The following CDYL2 variants were observed in gnomAD, a reference collection of about 807,000 sequenced individuals.
The protein encoded by CDYL2 is chromodomain Y-like protein 2.
A neutral mutation model predicts 49.4 loss-of-function variants in CDYL2; 23 were observed. The ratio of observed to expected loss-of-function variants is 0.47; its 90% CI spans 0.34 to 0.66. The LOEUF (loss-of-function observed/expected upper bound fraction) is 0.66. Among genes scored for constraint, CDYL2 ranks in the 30% least tolerant of loss-of-function variants. CDYL2 has a pLI of 0.01. For synonymous variants in CDYL2, 360 were observed against 268.8 expected (o/e 1.34, Z -3.32); for missense variants, 678 against 656.4 (o/e 1.03, Z -0.36).
chr16:80,639,002 T>A (rs1160100192), intron 2 of CDYL2, among the ~76,000 whole-genome samples: 1 of 152,074 alleles, frequency 6.6e-6, no homozygotes. Context: ...AGAACATAAT[T>A]TAAACAAAAT....
chr16:80,687,911 T>G (rs1253520304), intron 1 of CDYL2, among the ~76,000 whole-genome samples: 1 of 152,144 alleles, frequency 6.6e-6, no homozygotes, highest in Non-Finnish European at 1.5e-5. Flanking sequence ...CAAACCTTAG[T>G]GGTGTCTAAA....
rs558433733 is a variant in CDYL2 at position 80,657,718 on chromosome 16, G to C, written c.617-24482C>G. 2.6e-5 allele frequency among the ~76,000 whole-genome samples: 4 copies of C among 152,254 alleles called. No individual in the cohort carries two copies. In the East Asian group the frequency reaches 7.7e-4, roughly 29 times the overall value. The stretch of plus-strand genomic sequence containing the variant: ...GTGGGGGAGATACAGAAAGGTACAA[G>C]TGTGATGGGAAGAAATTTGGCAGTA... On this transcript the variant is annotated intron_variant, in intron 2 of 6. Coordinates refer to ENST00000570137, the MANE Select transcript of CDYL2 (RefSeq NM_152342.4).
chr16:80,634,493 T>C (rs1169307027), intron 2 of CDYL2, among the ~76,000 whole-genome samples: 2 of 152,094 alleles, frequency 1.3e-5, no homozygotes, highest in Non-Finnish European at 2.9e-5. Flanking sequence ...CCAGGGCCTG[T>C]CGTGGGGTGG....
At chr16:80,702,299 A>G (rs944632861) in intron 1 of CDYL2, among the ~76,000 whole-genome samples, 4 of 152,194 alleles carry the variant, frequency 2.6e-5, no homozygotes, top group Non-Finnish European at 2.9e-5. Context: ...CATGTTCAAA[A>G]TAATATTTTG....
At chr16:80,784,777 G>A (rs141959852) in intron 1 of CDYL2, among the ~76,000 whole-genome samples, 1 of 152,244 alleles carries the variant, frequency 6.6e-6, no homozygotes, top group East Asian at 1.9e-4. Flanking sequence ...ACAATTGACT[G>A]ATTACAATGA....
chr16:80,707,138 C>G (rs142306106), intron 1 of CDYL2, among the ~76,000 whole-genome samples: 6 of 152,244 alleles, frequency 3.9e-5, no homozygotes, highest in Non-Finnish European at 8.8e-5. Context: ...TATTGCATTT[C>G]ATGCTAAAAA....
chr16:80,638,475 A>C (rs1332140823), intron 2 of CDYL2, among the ~76,000 whole-genome samples: 1 of 152,200 alleles, frequency 6.6e-6, no homozygotes, highest in Non-Finnish European at 1.5e-5. Context: ...AGATATTGGC[A>C]AACTGATTCT....
chr16:80,654,084 C>T (rs1186767810), intron 2 of CDYL2, among the ~76,000 whole-genome samples: 1 of 152,220 alleles, frequency 6.6e-6, no homozygotes, highest in Non-Finnish European at 1.5e-5. Context: ...CAGGATGGAG[C>T]CACATCTCAC....
chr16:80,618,257 G>C (rs574828315), intron 4 of CDYL2, among the ~76,000 whole-genome samples: 1 of 149,332 alleles, frequency 6.7e-6, no homozygotes, highest in East Asian at 1.9e-4. Flanking sequence ...GGAAAGTCAG[G>C]AGCCAGTTTG....
chr16:80,804,506 G>C lies in CDYL2; in HGVS notation c.-333C>G, dbSNP rs983259098. ...CGCGGCCCCCGCGACCCGGCGACCC[G>C]GCGGCGGTGGCTGCAGCCGGCAACG... On this transcript the variant is annotated 5_prime_UTR_variant, in exon 1 of 7. Transcript: ENST00000570137. Among the ~76,000 whole-genome samples the C allele has an allele frequency of 1.0e-3, 150 of 144,466 alleles. No individual in the cohort carries two copies. The highest frequency in any genetic ancestry group is 3.4e-3 in the African/African-American group (137 of 40,444). 94.8% of individuals were successfully genotyped at this position (144,466 alleles called of 152,430 possible).
chr16:80,752,862 A>G (rs1031246584), intron 1 of CDYL2, among the ~76,000 whole-genome samples: 6 of 152,256 alleles, frequency 3.9e-5, no homozygotes, highest in Non-Finnish European at 8.8e-5. Flanking sequence ...AAGCTAGTGC[A>G]GCACACAAAT....
intron 1 of CDYL2, among the ~76,000 whole-genome samples, chr16:80,745,790 T>A (rs1905908131): frequency 6.6e-6 from 1 of 152,180 alleles, no homozygotes; most frequent in African/African-American, 2.4e-5. Flanking sequence ...AATTCAATCC[T>A]CCCTATGACC....
chr16:80,742,311 T>C (rs1905765278), intron 1 of CDYL2: 1 of 152,192 alleles, frequency 6.6e-6, no homozygotes, highest in East Asian at 1.9e-4. Flanking sequence ...GAATATTCAC[T>C]TGACAGAATT....
At position 80,784,643 on chromosome 16, in the gene CDYL2, A is replaced by G. The variant is rs570788005; in HGVS notation, c.24+19507T>C. ...AATGTCTGCATTTCTAGTAGCCCAG[A>G]GCTTTCTGGAATACTTGAAAGACCT... On this transcript the variant is annotated intron_variant, in intron 1 of 6. Transcript: ENST00000570137. Among the ~76,000 whole-genome samples, 7 of 152,328 alleles carry G rather than the reference A, an allele frequency of 4.6e-5. No individual in the cohort carries two copies. In the South Asian group the frequency reaches 1.0e-3, roughly 23 times the overall value.
chr16:80,709,598 C>A (rs1411482464), intron 1 of CDYL2, among the ~76,000 whole-genome samples: 3 of 128,582 alleles, frequency 2.3e-5, no homozygotes, highest in African/African-American at 9.0e-5. Context: ...ACACACACTT[C>A]CTCAAACACC....
At chr16:80,799,159 C>T (rs556721800) in intron 1 of CDYL2, among the ~76,000 whole-genome samples, 11 of 151,844 alleles carry the variant, frequency 7.2e-5, no homozygotes, top group Non-Finnish European at 1.3e-4. Flanking sequence ...TGTAACTACC[C>T]CCAAAAGCTA....
chr16:80,793,896 C>T (rs963478920), intron 1 of CDYL2, among the ~76,000 whole-genome samples: 3 of 152,068 alleles, frequency 2.0e-5, no homozygotes, highest in South Asian at 2.1e-4. Flanking sequence ...AGCTGCCTTC[C>T]CGTAACAGTC....
At chr16:80,747,995 C>T (rs1162306799) in intron 1 of CDYL2, among the ~76,000 whole-genome samples, 1 of 151,914 alleles carries the variant, frequency 6.6e-6, no homozygotes, top group African/African-American at 2.4e-5. Flanking sequence ...ACCATGAGCT[C>T]TTCAAAAGCA....
At chr16:80,606,704 C>A (rs927326352) in intron 6 of CDYL2, among the ~76,000 whole-genome samples, 1 of 152,210 alleles carries the variant, frequency 6.6e-6, no homozygotes, top group African/African-American at 2.4e-5. Flanking sequence ...ATTGTAGCTC[C>A]CATAGTTCCC....
Sources: allele counts gnomAD v4.1 joint callset (sites outside exome capture counted in the v4.1 genomes callset), GRCh38; gene constraint gnomAD v4.1.1; transcripts MANE v1.5; gene names NCBI Gene and HGNC (gene_info 2026-07-23, HGNC 2026-07-21).